Variants in NIBAN1 observed in about 807,000 individuals in gnomAD.
The protein encoded by NIBAN1 is protein Niban 1.
In NIBAN1, 81 loss-of-function variants were observed where a neutral mutation model predicts 75.1. That is an observed-to-expected ratio of 1.08 (90% confidence interval 0.90 to 1.30). NIBAN1 has a LOEUF of 1.30. Ranked by LOEUF, NIBAN1 falls within the 50% of genes most tolerant of loss-of-function variation. NIBAN1 has a pLI of 0.00. For synonymous variants in NIBAN1, 436 were observed against 424.8 expected (o/e 1.03, Z -0.32); for missense variants, 1,133 against 1,128.1 (o/e 1.00, Z -0.06).
chr1:184,869,805 G>A (rs1021675477), intron 5 of NIBAN1, among the ~76,000 whole-genome samples: 3 of 152,098 alleles, frequency 2.0e-5, no homozygotes, highest in African/African-American at 4.8e-5. Context: ...GCCTCCCAAC[G>A]TGCTAGGATT....
At position 184,823,679 on chromosome 1, in the gene NIBAN1, T is replaced by C. The variant is rs1275254849; in HGVS notation, c.781A>G (p.Met261Val). The change falls in exon 7 of 14, where the codon ATG becomes GTG. Residue 261 changes from methionine (M) to valine (V), a missense_variant. Transcript: ENST00000367511. ...TTTCTGTCATTCTTCTTCCCCTTCA[T>C]CTTAGGCAGCAGGTCTGTCTGAAGA... ...PTLQTDLLPK[M>V]KGKKNDRKRT... 1.2e-6 allele frequency: 2 copies of C among 1,614,200 alleles called. No homozygotes were observed. The highest frequency in any genetic ancestry group is 2.2e-5 in the South Asian group (2 of 91,082).
chr1:184,856,115 T>A (rs1160939487), intron 5 of NIBAN1, among the ~76,000 whole-genome samples: 26 of 152,218 alleles, frequency 1.7e-4, no homozygotes, highest in Non-Finnish European at 3.4e-4. Context: ...TAGTTATAAA[T>A]GCTGAATCCA....
intron 5 of NIBAN1, among the ~76,000 whole-genome samples, chr1:184,836,599 AG>A (rs1373702969): frequency 2.6e-5 from 4 of 152,222 alleles, no homozygotes; most frequent in African/African-American, 9.6e-5. Flanking sequence ...CAGAAGTCAA[AG>A]AAGGAACCAG....
chr1:184,794,728 C>T lies in NIBAN1; in HGVS notation c.*249G>A, dbSNP rs1653788896. The T allele has an allele frequency of 1.8e-6, 1 of 566,350 alleles. No homozygotes were observed. The highest frequency in any genetic ancestry group is 3.1e-6 in the Non-Finnish European group (1 of 318,048). The allele number at this position is 566,350 out of a possible 1,614,324, so 35.1% of individuals were successfully genotyped here. A position where few individuals can be genotyped will look rare whatever the true frequency, so the allele number is the denominator to read the frequency against. On this transcript the variant is annotated 3_prime_UTR_variant, in exon 14 of 14. Transcript: ENST00000367511. ...TCCTCAGACATCCTCAGCTCCCTCT[C>T]ACCCCAAGTATGCCATTGTCTTTGT...
chr1:184,962,935 T>A (rs1308586192), intron 1 of NIBAN1, among the ~76,000 whole-genome samples: 2 of 152,142 alleles, frequency 1.3e-5, no homozygotes, highest in African/African-American at 4.8e-5. Context: ...ATATGGGAAG[T>A]ATTGCTCTAT....
At chr1:184,861,584 GGGAA>G (rs948836712) in intron 5 of NIBAN1, among the ~76,000 whole-genome samples, 4 of 143,406 alleles carry the variant, frequency 2.8e-5, no homozygotes, top group African/African-American at 1.0e-4. Context: ...GAAGGAAGGA[GGGAA>G]GGAAGGAGGG....
At chr1:184,968,347 A>T (rs1284029971) in intron 1 of NIBAN1, among the ~76,000 whole-genome samples, 1 of 152,222 alleles carries the variant, frequency 6.6e-6, no homozygotes, top group African/African-American at 2.4e-5. Flanking sequence ...ATAGAAAGTA[A>T]TTATTGATAC....
At chr1:184,912,410 C>T (rs1257448853) in intron 1 of NIBAN1, among the ~76,000 whole-genome samples, 4 of 152,154 alleles carry the variant, frequency 2.6e-5, no homozygotes, top group Admixed American at 6.5e-5. Flanking sequence ...TTCACCTGCA[C>T]TTCATATAGC....
At chr1:184,843,625 A>C (rs1655356509) in intron 5 of NIBAN1, among the ~76,000 whole-genome samples, 1 of 152,194 alleles carries the variant, frequency 6.6e-6, no homozygotes, top group Non-Finnish European at 1.5e-5. Flanking sequence ...ACAATCAATT[A>C]TTTCCTATCT....
At chr1:184,801,482 C>T (rs1654039747) in intron 12 of NIBAN1, among the ~76,000 whole-genome samples, 1 of 152,190 alleles carries the variant, frequency 6.6e-6, no homozygotes, top group African/African-American at 2.4e-5. Context: ...ATGAGAGGCA[C>T]AGATTCATGC....
intron 2 of NIBAN1, 56 bp from the exon 3 acceptor site, chr1:184,894,262 C>A: frequency 6.6e-7 from 1 of 1,506,544 alleles, no homozygotes; most frequent in Middle Eastern, 1.8e-4. Context: ...CACCTTGTTA[C>A]CACAAAGTTA....
At chr1:184,834,079 A>G (rs1655073136) in intron 5 of NIBAN1, among the ~76,000 whole-genome samples, 1 of 151,092 alleles carries the variant, frequency 6.6e-6, no homozygotes, top group South Asian at 2.1e-4. Flanking sequence ...TCATTGTTCA[A>G]TTCCCACCTA....
intron 1 of NIBAN1, among the ~76,000 whole-genome samples, chr1:184,945,970 T>C (rs930569405): frequency 5.9e-5 from 9 of 151,402 alleles, no homozygotes; most frequent in Non-Finnish European, 1.0e-4. Flanking sequence ...CATAGTTCTA[T>C]TATGACCTGA....
intron 1 of NIBAN1, among the ~76,000 whole-genome samples, chr1:184,945,487 C>T (rs2102055793): frequency 6.6e-6 from 1 of 152,160 alleles, no homozygotes; most frequent in Non-Finnish European, 1.5e-5. Flanking sequence ...TCTTGCCCAA[C>T]TTAAAAGAAA....
At chr1:184,844,789 C>G (rs1401275416) in intron 5 of NIBAN1, among the ~76,000 whole-genome samples, 2 of 152,076 alleles carry the variant, frequency 1.3e-5, no homozygotes, top group Admixed American at 1.3e-4. Flanking sequence ...TTAAACTGAC[C>G]CATGATCCAT....
At chr1:184,903,398 C>T (rs116058667) in intron 1 of NIBAN1, among the ~76,000 whole-genome samples, 113 of 152,242 alleles carry the variant, frequency 7.4e-4, no homozygotes, top group African/African-American at 2.6e-3. Flanking sequence ...TCTTTTGTCC[C>T]CTGCAAATCT....
intron 1 of NIBAN1, among the ~76,000 whole-genome samples, chr1:184,920,557 A>C (rs1437625109): frequency 6.6e-6 from 1 of 152,176 alleles, no homozygotes; most frequent in African/African-American, 2.4e-5. Context: ...CCCAGCTTCT[A>C]ACCACTATTA....
chr1:184,884,856 ATG>A (rs1656477882), intron 4 of NIBAN1, 56 bp from the exon 5 acceptor site: 1 of 1,582,316 alleles, frequency 6.3e-7, no homozygotes. Context: ...TTTATTTCAA[ATG>A]TGTGTTTCAG....
intron 6 of NIBAN1, among the ~76,000 whole-genome samples, chr1:184,831,411 AT>A (rs1268289642): frequency 6.6e-6 from 1 of 152,064 alleles, no homozygotes; most frequent in Non-Finnish European, 1.5e-5. Flanking sequence ...TATTATTCTT[AT>A]TTTTTCCAGA....
Sources: gnomAD v4.1 joint callset for allele counts (sites outside exome capture counted in the v4.1 genomes callset) on GRCh38, gnomAD v4.1.1 for gene constraint, MANE v1.5 for transcripts, NCBI Gene and HGNC (gene_info 2026-07-23, HGNC 2026-07-21) for gene names.